The following ZNF385D variants were observed in gnomAD, a reference collection of about 807,000 sequenced individuals.
ZNF385D encodes the protein zinc finger protein 659.
ZNF385D carries 15 observed loss-of-function variants against 35.8 expected under a neutral mutation model. The observed-to-expected ratio is 0.42, with a 90% CI of 0.28 to 0.64. The LOEUF is 0.64. Among genes scored for constraint, ZNF385D ranks in the 30% least tolerant of loss-of-function variants. The pLI is 0.23. For synonymous variants in ZNF385D, 212 were observed against 186.8 expected, an observed-to-expected ratio of 1.13 and a Z score of -1.10; for missense variants, 474 against 494.6, an observed-to-expected ratio of 0.96 and a Z score of 0.39.
At chr3:21,817,849 A>T (rs1464036957) in intron 3 of ZNF385D, among the ~76,000 whole-genome samples, 1 of 152,184 alleles carries the variant, frequency 6.6e-6, no homozygotes, top group East Asian at 1.9e-4. Flanking sequence ...ATTATACGTA[A>T]ATCATGCTGC....
intron 5 of ZNF385D, among the ~76,000 whole-genome samples, chr3:21,431,876 A>G (rs1028525590): frequency 1.3e-5 from 2 of 152,182 alleles, no homozygotes; most frequent in Non-Finnish European, 2.9e-5. Context: ...ACATGAAGCA[A>G]GTATGTATTT....
At position 21,742,740 on chromosome 3, in the gene ZNF385D, G is replaced by C. The variant is rs1301623390; in HGVS notation, c.22+8155C>G. Among the ~76,000 whole-genome samples, 3 of 152,156 alleles carry C rather than the reference G, an allele frequency of 2.0e-5. No individual in the cohort carries two copies. In the East Asian group the frequency reaches 5.8e-4, roughly 29 times the overall value. ...CTTGTGTTTCCATCTATAACTACCA[G>C]TTTCTTGCGATTGCTACTCTATGAA... On this transcript the variant is annotated intron_variant, in intron 1 of 7. Transcript: ENST00000281523.
chr3:21,823,975 A>C (rs9839125), intron 3 of ZNF385D, among the ~76,000 whole-genome samples: 2,612 of 152,302 alleles, frequency 0.017, 71 homozygotes, highest in African/African-American at 0.059. Context: ...TACACTATTT[A>C]ATGATGCATG....
At chr3:21,490,333 T>C (rs764715772) in intron 4 of ZNF385D, among the ~76,000 whole-genome samples, 3 of 152,094 alleles carry the variant, frequency 2.0e-5, no homozygotes, top group Non-Finnish European at 4.4e-5. Context: ...GTCTGGCTCT[T>C]CTTTTGCTCT....
At chr3:22,133,256 A>T (rs1457874605) in intron 3 of ZNF385D, among the ~76,000 whole-genome samples, 1 of 152,098 alleles carries the variant, frequency 6.6e-6, no homozygotes, top group East Asian at 1.9e-4. Context: ...TTAATTTCAC[A>T]AGAAAATTTC....
At chr3:21,697,648 TAATC>T (rs2067520418) in intron 1 of ZNF385D, among the ~76,000 whole-genome samples, 2 of 152,048 alleles carry the variant, frequency 1.3e-5, no homozygotes, top group Middle Eastern at 3.4e-3. Flanking sequence ...GCAAAAGAAA[TAATC>T]AACAGAGTAA....
intron 3 of ZNF385D, among the ~76,000 whole-genome samples, chr3:22,025,108 G>C (rs544568344): frequency 6.6e-6 from 1 of 152,228 alleles, no homozygotes; most frequent in African/African-American, 2.4e-5. Context: ...ATGAAGCTGG[G>C]GACACTGAGT....
intron 3 of ZNF385D, among the ~76,000 whole-genome samples, chr3:22,126,873 G>A (rs941111281): frequency 6.6e-6 from 1 of 152,068 alleles, no homozygotes; most frequent in Admixed American, 6.6e-5. Context: ...TGCATATACA[G>A]TTATAATTGG....
At chr3:21,471,405 C>T (rs1703895259) in intron 4 of ZNF385D, among the ~76,000 whole-genome samples, 1 of 151,528 alleles carries the variant, frequency 6.6e-6, no homozygotes, top group Non-Finnish European at 1.5e-5. Context: ...TTTTCATGGA[C>T]AAAGTTCAAA....
chr3:21,765,104 G>A (rs997956881), intron 3 of ZNF385D, among the ~76,000 whole-genome samples: 1 of 152,014 alleles, frequency 6.6e-6, no homozygotes, highest in African/African-American at 2.4e-5. Context: ...TATAAGTACA[G>A]TAGTATTTTC....
rs562600894 is a variant in ZNF385D at position 21,971,430 on chromosome 3, G to C, written c.325+197387C>G. Among the ~76,000 whole-genome samples the C allele has an allele frequency of 2.6e-5, 4 of 151,606 alleles. No individual in the cohort carries two copies. The South Asian group carries it at 6.3e-4, about 24-fold the overall frequency. On this transcript the variant is annotated intron_variant, in intron 3 of 5. Transcript: ENST00000494108. ...ATCAGTTTAAAATCATGGGTTATAA[G>C]ATATTACCTGCAAGTTTCATGGTAA...
chr3:21,713,926 T>G (rs1418966911), intron 1 of ZNF385D, among the ~76,000 whole-genome samples: 1 of 152,194 alleles, frequency 6.6e-6, no homozygotes, highest in Non-Finnish European at 1.5e-5. Flanking sequence ...ACCCAAAGTC[T>G]ATGGATCCTA....
intron 2 of ZNF385D, among the ~76,000 whole-genome samples, chr3:22,180,634 T>C (rs569606665): frequency 1.3e-5 from 2 of 152,228 alleles, no homozygotes; most frequent in South Asian, 2.1e-4. Flanking sequence ...GTTCAACATA[T>C]GCAAATCAAT....
At chr3:21,884,136 A>G (rs1426684982) in intron 3 of ZNF385D, among the ~76,000 whole-genome samples, 1 of 152,054 alleles carries the variant, frequency 6.6e-6, no homozygotes, top group East Asian at 1.9e-4. Context: ...GCAAGAAATA[A>G]TTAGGATCAC....
chr3:21,937,611 T>C (rs1475557211), intron 3 of ZNF385D, among the ~76,000 whole-genome samples: 2 of 152,064 alleles, frequency 1.3e-5, no homozygotes, highest in African/African-American at 4.8e-5. Flanking sequence ...TATTTATGCA[T>C]AGAAATAAAA....
intron 3 of ZNF385D, among the ~76,000 whole-genome samples, chr3:21,968,101 G>C (rs548952810): frequency 6.6e-6 from 1 of 152,140 alleles, no homozygotes; most frequent in South Asian, 2.1e-4. Flanking sequence ...ATGTGCTTGA[G>C]GGAGAGAGAG....
intron 3 of ZNF385D, among the ~76,000 whole-genome samples, chr3:22,046,077 TTGA>T (rs933544837): frequency 2.1e-5 from 3 of 145,390 alleles, no homozygotes; most frequent in African/African-American, 7.6e-5. Flanking sequence ...GGGAGGAAAA[TTGA>T]TGATAGTGGC....
intron 3 of ZNF385D, among the ~76,000 whole-genome samples, chr3:22,009,470 A>G (rs1238430453): frequency 6.6e-6 from 1 of 151,950 alleles, no homozygotes; most frequent in Admixed American, 6.5e-5. Context: ...AAAAATACCA[A>G]AAATTAGCCG....
At chr3:21,802,647 T>C (rs1284457942) in intron 3 of ZNF385D, among the ~76,000 whole-genome samples, 1 of 152,178 alleles carries the variant, frequency 6.6e-6, no homozygotes, top group African/African-American at 2.4e-5. Context: ...GATGATTTTC[T>C]TACCCTGGAC....
Sources: allele counts gnomAD v4.1 joint callset (sites outside exome capture counted in the v4.1 genomes callset), GRCh38; gene constraint gnomAD v4.1.1; transcripts MANE v1.5; gene names NCBI Gene and HGNC (gene_info 2026-07-23, HGNC 2026-07-21).